The following DISP1 variants were observed in gnomAD, a reference collection of about 807,000 sequenced individuals.
The protein encoded by DISP1 is dispatched RND transporter family member 1, also known as protein dispatched homolog 1.
In DISP1, 30 loss-of-function variants were observed where a neutral mutation model predicts 37.3. That is an observed-to-expected ratio of 0.80 (90% CI 0.60 to 1.09). The LOEUF (loss-of-function observed/expected upper bound fraction) is 1.09. Among genes scored for constraint, DISP1 ranks in the 50% least tolerant of loss-of-function variants. The pLI is 0.00. For synonymous variants in DISP1, 634 were observed against 690.2 expected (o/e 0.92, Z 1.28); for missense variants, 1,598 against 1,879.5 (o/e 0.85, Z 2.77).
chr1:222,887,814 ATT>A (rs1254589132), intron 1 of DISP1, among the ~76,000 whole-genome samples: 3 of 152,116 alleles, frequency 2.0e-5, no homozygotes, highest in Non-Finnish European at 4.4e-5. Context: ...TGTTTTTAAT[ATT>A]TTTATGTTCA....
chr1:222,995,521 G>A (rs1678995057), intron 8 of DISP1, among the ~76,000 whole-genome samples: 1 of 152,116 alleles, frequency 6.6e-6, no homozygotes, highest in African/African-American at 2.4e-5. Context: ...AATCCAAACT[G>A]CCCTGAATGC....
At chr1:222,911,318 C>G (rs975636915) in intron 1 of DISP1, among the ~76,000 whole-genome samples, 3 of 152,140 alleles carry the variant, frequency 2.0e-5, no homozygotes, top group Non-Finnish European at 4.4e-5. Flanking sequence ...CCAGAGCCTG[C>G]TTCCAATTTG....
Position 222,942,815 on chromosome 1 carries a change from A to G in DISP1, c.-9A>G, listed in dbSNP as rs1674480029. On this transcript the variant is annotated 5_prime_UTR_variant, in exon 3 of 9. Coordinates refer to ENST00000675850, the MANE Select transcript of DISP1 (RefSeq NM_001377229.1). ...ATGATTTTCTTACTTAGAGTCAAGA[A>G]ATTGGAGCATGGCTATGAGCAATGG... is the stretch of plus-strand genomic sequence containing the variant. 3 of 1,614,038 alleles carry G rather than the reference A, an allele frequency of 1.9e-6. No individual in the cohort carries two copies. The highest frequency in any genetic ancestry group is 1.3e-5 in the African/African-American group (1 of 74,900).
chr1:222,875,620 C>T (rs1172973196), intron 1 of DISP1, among the ~76,000 whole-genome samples: 1 of 137,448 alleles, frequency 7.3e-6, no homozygotes, highest in Non-Finnish European at 1.5e-5. Flanking sequence ...AGTTAGAGAC[C>T]AGCCTGGCCA....
intron 3 of DISP1, among the ~76,000 whole-genome samples, chr1:222,957,213 C>T (rs1485216674): frequency 6.7e-6 from 1 of 149,766 alleles, no homozygotes; most frequent in Non-Finnish European, 1.5e-5. Flanking sequence ...TATGGGAGGA[C>T]CAGAGCCACA....
chr1:222,862,179 GT>G (rs1436578854), intron 1 of DISP1, among the ~76,000 whole-genome samples: 1 of 152,110 alleles, frequency 6.6e-6, no homozygotes, highest in African/African-American at 2.4e-5. Context: ...TGCTTTATTT[GT>G]TTGTAACTTT....
chr1:222,999,913 G>C (rs188256058), intron 8 of DISP1, among the ~76,000 whole-genome samples: 1 of 152,280 alleles, frequency 6.6e-6, no homozygotes, highest in East Asian at 1.9e-4. Flanking sequence ...TTGAATTGGA[G>C]GACTGGCTCC....
intron 1 of DISP1, among the ~76,000 whole-genome samples, chr1:222,858,623 C>A (rs1364812279): frequency 3.9e-5 from 6 of 151,918 alleles, no homozygotes; most frequent in Non-Finnish European, 8.8e-5. Context: ...GGAACTTAAA[C>A]AAATTTACAG....
At chr1:222,850,335 G>T (rs1175910274) in intron 1 of DISP1, among the ~76,000 whole-genome samples, 2 of 150,784 alleles carry the variant, frequency 1.3e-5, no homozygotes, top group African/African-American at 4.9e-5. Flanking sequence ...TAGCTCCCTT[G>T]TTCTCTCTTT....
At chr1:222,908,881 AG>A (rs1379392142) in intron 1 of DISP1, among the ~76,000 whole-genome samples, 1 of 151,804 alleles carries the variant, frequency 6.6e-6, no homozygotes, top group Non-Finnish European at 1.5e-5. Context: ...AAAAAAAAAA[AG>A]AATTCCTGGA....
chr1:222,825,739 G>A (rs1011309803), intron 1 of DISP1, among the ~76,000 whole-genome samples: 4 of 152,142 alleles, frequency 2.6e-5, no homozygotes, highest in African/African-American at 9.6e-5. Context: ...CTGGCCTCAA[G>A]CAATCCGGCG....
chr1:222,825,789 C>T lies in DISP1; in HGVS notation c.-159+10711C>T, dbSNP rs148098475. The stretch of plus-strand genomic sequence containing the variant: ...AAGTGCTGGGATTATAGGCATGAGC[C>T]ACCACTGTGCCCAGCTGAATAGCCT... On this transcript the variant is annotated intron_variant, in intron 1 of 8. Coordinates refer to ENST00000675850, the MANE Select transcript of DISP1 (RefSeq NM_001377229.1). Among the ~76,000 whole-genome samples the T allele has an allele frequency of 4.6e-3, 695 of 152,304 alleles. 5 individuals are homozygous for T. Among genetic ancestry groups the T allele is most frequent in the African/African-American group, 0.016 (655 of 41,564 alleles).
At chr1:222,872,176 A>C (rs575038066) in intron 1 of DISP1, 1 of 152,164 alleles carries the variant, frequency 6.6e-6, no homozygotes, top group Non-Finnish European at 1.5e-5. Context: ...TGTGCTGCTG[A>C]ATTCGGTTTG....
intron 8 of DISP1, among the ~76,000 whole-genome samples, chr1:223,002,180 T>A (rs557133739): frequency 1.8e-4 from 27 of 152,302 alleles, no homozygotes; most frequent in African/African-American, 6.3e-4. Context: ...CAGAATAAAG[T>A]AACCTAAAGG....
Position 223,003,702 on chromosome 1 carries a change from A to G in DISP1, c.2305A>G (p.Lys769Glu), listed in dbSNP as rs1378163776. 6.2e-7 allele frequency: 1 copy of G among 1,614,022 alleles called. No homozygotes were observed. ...TTTTGAGCGTTATGATGCTGAATAC[A>G]AAAAGCTTTTCATGTTTGAACGTGT... ...HPFERYDAEY[K>E]KLFMFERVHH... The change falls in exon 9 of 9, where the codon AAA becomes GAA. Residue 769 changes from lysine to glutamate, a missense_variant. Coordinates refer to ENST00000675850, the MANE Select transcript of DISP1 (RefSeq NM_001377229.1). The surrounding 1 kb of genome is among the most constrained non-coding windows in gnomAD (Gnocchi z 4.3).
chr1:222,851,733 T>A (rs907265438), intron 1 of DISP1, among the ~76,000 whole-genome samples: 1 of 152,146 alleles, frequency 6.6e-6, no homozygotes, highest in Non-Finnish European at 1.5e-5. Context: ...TTTCAAATAT[T>A]CATAACAAAT....
At chr1:222,961,382 C>T (rs1223795047) in intron 3 of DISP1, among the ~76,000 whole-genome samples, 2 of 152,138 alleles carry the variant, frequency 1.3e-5, no homozygotes, top group African/African-American at 2.4e-5. Context: ...ATGATTATCT[C>T]AATAGATACA....
chr1:222,997,081 C>T (rs1679130610), intron 8 of DISP1, among the ~76,000 whole-genome samples: 1 of 150,490 alleles, frequency 6.6e-6, no homozygotes, highest in African/African-American at 2.5e-5. Flanking sequence ...TAAACTACCT[C>T]AACATGATTT....
chr1:222,885,411 C>T (rs537164176), intron 1 of DISP1, among the ~76,000 whole-genome samples: 2 of 151,650 alleles, frequency 1.3e-5, no homozygotes, highest in East Asian at 3.9e-4. Flanking sequence ...ATATTCCAGG[C>T]TCATCTTATA....
Sources: gnomAD v4.1 joint callset for allele counts (sites outside exome capture counted in the v4.1 genomes callset) on GRCh38, gnomAD v4.1.1 for gene constraint, Gnocchi (gnomAD v3.1) non-coding constraint, MANE v1.5 for transcripts, NCBI Gene and HGNC (gene_info 2026-07-23, HGNC 2026-07-21) for gene names.